Variants in TRAPPC10 observed in about 807,000 individuals in gnomAD.
The protein encoded by TRAPPC10 is trafficking protein particle complex subunit 10.
A neutral mutation model predicts 125.5 loss-of-function variants in TRAPPC10; 23 were observed. That is an observed-to-expected ratio of 0.18 (90% CI 0.13 to 0.26). The LOEUF (loss-of-function observed/expected upper bound fraction) is 0.26, where lower values mean the gene tolerates loss of function less well. Ranked by LOEUF, TRAPPC10 falls within the 10% of genes least tolerant of loss-of-function variation. The pLI is 1.00. For missense variants in TRAPPC10, 1,123 were observed against 1,308.4 expected, an observed-to-expected ratio of 0.86 and a Z score of 2.19; for synonymous variants, 509 against 518.0, an observed-to-expected ratio of 0.98 and a Z score of 0.24.
At chr21:44,033,159 G>A (rs1038918827) in intron 2 of TRAPPC10, among the ~76,000 whole-genome samples, 1 of 152,156 alleles carries the variant, frequency 6.6e-6, no homozygotes, top group African/African-American at 2.4e-5. Context: ...ATTTTGTCTT[G>A]TAACATAGGT....
Position 44,074,345 on chromosome 21 carries a change from C to T in TRAPPC10, c.1060C>T (p.Leu354=). The change falls in exon 8 of 23, where the codon CTG becomes TTG. Residue 354 remains leucine (L), a synonymous_variant. Coordinates refer to ENST00000291574, the MANE Select transcript of TRAPPC10 (RefSeq NM_003274.5). ...LLEVSVPPGA[L]DCWVFLSCLE... The stretch of plus-strand genomic sequence containing the variant: ...ACAGGTCTCTGTCCCACCTGGTGCT[C>T]TGGACTGCTGGGTGTTTCTGAGCTG... The T allele has an allele frequency of 6.2e-7, 1 of 1,614,126 alleles. No individual in the cohort carries two copies. Among genetic ancestry groups the T allele is most frequent in the Non-Finnish European group, 8.5e-7 (1 of 1,180,020 alleles).
chr21:44,023,438 A>G (rs1486660852), intron 1 of TRAPPC10, among the ~76,000 whole-genome samples: 1 of 152,134 alleles, frequency 6.6e-6, no homozygotes, highest in Non-Finnish European at 1.5e-5. Context: ...CTTAATCATT[A>G]TGAACATACT....
At chr21:44,081,748 G>C (rs1032382598) in intron 13 of TRAPPC10, among the ~76,000 whole-genome samples, 4 of 152,042 alleles carry the variant, frequency 2.6e-5, no homozygotes, top group African/African-American at 9.7e-5. Flanking sequence ...GTGTGGTGGC[G>C]GGCACCTGTA....
intron 5 of TRAPPC10, 41 bp downstream of exon 5, chr21:44,055,934 T>G: frequency 6.8e-7 from 1 of 1,474,074 alleles, no homozygotes; most frequent in Non-Finnish European, 9.2e-7. Flanking sequence ...CCTTCTCTCC[T>G]TCCCTCCTTT....
chr21:44,074,405 G>A lies in TRAPPC10; in HGVS notation c.1120G>A (p.Asp374Asn). The change falls in exon 8 of 23, where the codon GAC (aspartate) becomes AAC (asparagine). Residue 374 changes from aspartate (D) to asparagine (N), a missense_variant. By Grantham distance (23) the Asp-to-Asn change is conservative. This residue lies in a region of TRAPPC10 where 840 missense variants were observed against 902.0 expected (regional missense o/e 0.93). Coordinates refer to ENST00000291574, the MANE Select transcript of TRAPPC10 (RefSeq NM_003274.5). ...GTTGCAGAGGATAGAAGGCTGCTGT[G>A]ACCGGGCACAGATCGACTCAAACAT... ...EVLQRIEGCC[D>N]RAQIDSNIAH... 6.2e-7 allele frequency: 1 copy of A among 1,614,212 alleles called. No individual in the cohort carries two copies. The highest frequency in any genetic ancestry group is 8.5e-7 in the Non-Finnish European group (1 of 1,180,040).
At chr21:44,023,440 G>A (rs1244146765) in intron 1 of TRAPPC10, among the ~76,000 whole-genome samples, 1 of 152,106 alleles carries the variant, frequency 6.6e-6, no homozygotes, top group Non-Finnish European at 1.5e-5. Flanking sequence ...TAATCATTAT[G>A]AACATACTTG....
At chr21:44,060,098 CCTCA>C (rs1265508768) in intron 6 of TRAPPC10, 1 of 153,140 alleles carries the variant, frequency 6.5e-6, no homozygotes, top group East Asian at 1.9e-4. Context: ...TGAGCACTGT[CCTCA>C]CTCTGGAACT....
chr21:44,082,669 C>A lies in TRAPPC10; in HGVS notation c.1724-119C>A. 2 of 1,120,140 alleles carry A rather than the reference C, an allele frequency of 1.8e-6. No individual in the cohort carries two copies. The highest frequency in any genetic ancestry group is 2.6e-6 in the Non-Finnish European group (2 of 766,426). 69.4% of individuals were successfully genotyped at this position (1,120,140 alleles called of 1,614,324 possible). On this transcript the variant is annotated intron_variant, in intron 13 of 22. Coordinates refer to ENST00000291574, the MANE Select transcript of TRAPPC10 (RefSeq NM_003274.5). The surrounding 1 kb of genome is among the most constrained non-coding windows in gnomAD (Gnocchi z 4.4). Reference sequence around the variant, plus strand: ...CAGGAGGCTGGGCTCAGCTGCTGTGCCCATCACTGCTGCTTGCTTCAGTCT... The same window carrying A: ...CAGGAGGCTGGGCTCAGCTGCTGTGACCATCACTGCTGCTTGCTTCAGTCT...
At chr21:44,083,335 G>C in intron 14 of TRAPPC10, 33 bp downstream of exon 14, 1 of 1,597,810 alleles carries the variant, frequency 6.3e-7, no homozygotes, top group Non-Finnish European at 8.5e-7. Context: ...TGACTTTCAA[G>C]TTTGTAAAGC....
chr21:44,065,991 G>A (rs558662670), intron 7 of TRAPPC10, among the ~76,000 whole-genome samples: 1 of 152,230 alleles, frequency 6.6e-6, no homozygotes, highest in Non-Finnish European at 1.5e-5. Context: ...TGAGCTGCCC[G>A]TGGCTGTGTT....
At chr21:44,018,862 A>AT (rs1219769280) in intron 1 of TRAPPC10, among the ~76,000 whole-genome samples, 1 of 151,948 alleles carries the variant, frequency 6.6e-6, no homozygotes, top group Non-Finnish European at 1.5e-5. Context: ...TGACTTAAGG[A>AT]TTTTTTTGTC....
At chr21:44,079,402 T>G (rs2037516533) in intron 11 of TRAPPC10, 162 bp from the exon 12 acceptor site, 1 of 675,840 alleles carries the variant, frequency 1.5e-6, no homozygotes, top group African/African-American at 1.9e-5. Context: ...GAGTAGGTAC[T>G]CTTTCTCACG....
chr21:44,095,148 C>T (rs906875811), intron 20 of TRAPPC10, among the ~76,000 whole-genome samples: 6 of 150,874 alleles, frequency 4.0e-5, no homozygotes, highest in Non-Finnish European at 7.4e-5. Context: ...CTTCTGGGCT[C>T]ATTATCTTCC....
chr21:44,021,144 C>T (rs2032461255), intron 1 of TRAPPC10, among the ~76,000 whole-genome samples: 1 of 152,082 alleles, frequency 6.6e-6, no homozygotes, highest in Non-Finnish European at 1.5e-5. Flanking sequence ...AACTTGATAC[C>T]CAGCACTGTC....
intron 15 of TRAPPC10, among the ~76,000 whole-genome samples, chr21:44,086,423 A>C (rs1418065932): frequency 2.0e-5 from 3 of 152,258 alleles, no homozygotes; most frequent in East Asian, 1.9e-4. Flanking sequence ...GCACCAGCAC[A>C]GTCAAGTTTT....
intron 5 of TRAPPC10, among the ~76,000 whole-genome samples, chr21:44,057,087 G>A (rs575135480): frequency 6.6e-6 from 1 of 152,180 alleles, no homozygotes; most frequent in South Asian, 2.1e-4. Flanking sequence ...CATAGGGACA[G>A]ATGCTGTGTC....
chr21:44,021,883 A>C (rs1176721537), intron 1 of TRAPPC10, among the ~76,000 whole-genome samples: 1 of 152,132 alleles, frequency 6.6e-6, no homozygotes, highest in East Asian at 1.9e-4. Context: ...CCAGAAACCT[A>C]ATCTACTGAC....
At chr21:44,024,290 G>T (rs982114605) in intron 1 of TRAPPC10, among the ~76,000 whole-genome samples, 12 of 152,154 alleles carry the variant, frequency 7.9e-5, no homozygotes, top group African/African-American at 2.4e-4. Context: ...TCAGTCACCT[G>T]GAGGGCTTGT....
intron 7 of TRAPPC10, among the ~76,000 whole-genome samples, chr21:44,068,946 A>C (rs1242735258): frequency 6.6e-6 from 1 of 152,174 alleles, no homozygotes; most frequent in Non-Finnish European, 1.5e-5. Context: ...TAGTGAATTG[A>C]TGGTTCTGGG....
Sources: gnomAD v4.1 joint callset for allele counts (sites outside exome capture counted in the v4.1 genomes callset) on GRCh38, gnomAD v4.1.1 for gene constraint, gnomAD v4.1.1 regional missense constraint, Gnocchi (gnomAD v3.1) non-coding constraint, MANE v1.5 for transcripts, NCBI Gene and HGNC (gene_info 2026-07-23, HGNC 2026-07-21) for gene names.